Variants in NRG3 observed in about 807,000 individuals in gnomAD.
The protein encoded by NRG3 is neuregulin 3.
NRG3 carries 31 observed loss-of-function variants against 66.9 expected under a neutral mutation model. The observed-to-expected ratio is 0.46, with a 90% CI of 0.35 to 0.63. The LOEUF is 0.63. NRG3 is among the 20% of genes least tolerant of loss of function. The probability of loss-of-function intolerance (pLI) is 0.00; values close to 1 mark genes in which losing one functional copy is unlikely to be tolerated. For synonymous variants in NRG3, 393 were observed against 359.4 expected, an observed-to-expected ratio of 1.09 and a Z score of -1.06; for missense variants, 910 against 878.9, an observed-to-expected ratio of 1.04 and a Z score of -0.45.
At chr10:82,950,662 C>T (rs1849432558) in intron 4 of NRG3, among the ~76,000 whole-genome samples, 1 of 152,156 alleles carries the variant, frequency 6.6e-6, no homozygotes, top group South Asian at 2.1e-4. Context: ...ACCATGGTCA[C>T]TGTCCTATAT....
intron 1 of NRG3, among the ~76,000 whole-genome samples, chr10:82,209,674 G>A (rs531910816): frequency 2.7e-4 from 41 of 152,284 alleles, no homozygotes; most frequent in African/African-American, 9.6e-4. Flanking sequence ...TATTATCTCA[G>A]AAGTGGGTTT....
chr10:82,831,892 A>G (rs2062546597), intron 3 of NRG3, among the ~76,000 whole-genome samples: 1 of 152,130 alleles, frequency 6.6e-6, no homozygotes. Flanking sequence ...CCAAAGCCTT[A>G]TATGCACCCA....
chr10:82,342,061 A>G (rs1298277265), intron 1 of NRG3, among the ~76,000 whole-genome samples: 1 of 151,274 alleles, frequency 6.6e-6, no homozygotes, highest in Non-Finnish European at 1.5e-5. Context: ...GGTATATGGT[A>G]TTTCTGGTGT....
intron 1 of NRG3, among the ~76,000 whole-genome samples, chr10:81,940,572 C>T (rs187777002): frequency 6.6e-6 from 1 of 151,892 alleles, no homozygotes; most frequent in Non-Finnish European, 1.5e-5. Flanking sequence ...TGTGCAGGCT[C>T]CTAGTCTTGA....
At chr10:82,918,860 C>T (rs1043587067) in intron 4 of NRG3, among the ~76,000 whole-genome samples, 5 of 152,132 alleles carry the variant, frequency 3.3e-5, no homozygotes, top group Non-Finnish European at 7.3e-5. Context: ...TTAAAAGGAG[C>T]AACCGCATTT....
At chr10:82,094,831 A>G (rs990533787) in intron 1 of NRG3, among the ~76,000 whole-genome samples, 21 of 152,196 alleles carry the variant, frequency 1.4e-4, no homozygotes, top group African/African-American at 4.8e-4. Flanking sequence ...AAGTGGACCT[A>G]AATAATGTGT....
At chr10:82,752,712 A>G (rs1320790261) in intron 3 of NRG3, among the ~76,000 whole-genome samples, 1 of 152,220 alleles carries the variant, frequency 6.6e-6, no homozygotes, top group Non-Finnish European at 1.5e-5. Flanking sequence ...TGAAGTCCTC[A>G]TGAATGGGAT....
chr10:82,869,780 C>T (rs998486797), intron 4 of NRG3, among the ~76,000 whole-genome samples: 28 of 151,126 alleles, frequency 1.9e-4, no homozygotes, highest in African/African-American at 4.9e-4. Flanking sequence ...GCTAATTTTT[C>T]GTATTTTTAG....
At chr10:82,484,467 A>G (rs545686686) in intron 2 of NRG3, among the ~76,000 whole-genome samples, 1 of 152,360 alleles carries the variant, frequency 6.6e-6, no homozygotes, top group Admixed American at 6.5e-5. Context: ...CAAGTCAACA[A>G]TAACAGTTTT....
intron 2 of NRG3, among the ~76,000 whole-genome samples, chr10:82,737,479 G>T (rs2058211450): frequency 6.6e-6 from 1 of 152,110 alleles, no homozygotes. Context: ...CGGCCTCTTT[G>T]AATTCTTTTG....
chr10:82,486,993 G>C (rs1321384307), intron 2 of NRG3, among the ~76,000 whole-genome samples: 1 of 151,384 alleles, frequency 6.6e-6, no homozygotes, highest in African/African-American at 2.4e-5. Flanking sequence ...AAACCATTGT[G>C]CTTATAGTTA....
intron 3 of NRG3, among the ~76,000 whole-genome samples, chr10:82,821,304 A>G (rs1458097344): frequency 6.6e-6 from 1 of 152,150 alleles, no homozygotes; most frequent in Non-Finnish European, 1.5e-5. Context: ...TCTCAACTGC[A>G]TAACAGAAAT....
At chr10:82,801,871 A>G (rs1207642415) in intron 3 of NRG3, among the ~76,000 whole-genome samples, 1 of 152,176 alleles carries the variant, frequency 6.6e-6, no homozygotes, top group Non-Finnish European at 1.5e-5. Flanking sequence ...ATTCAATGTA[A>G]CACTCAACAT....
intron 1 of NRG3, among the ~76,000 whole-genome samples, chr10:81,988,273 T>G (rs552852990): frequency 2.0e-5 from 3 of 152,136 alleles, no homozygotes; most frequent in Non-Finnish European, 2.9e-5. Flanking sequence ...AGAGATAAGA[T>G]TTGAACTCAG....
intron 1 of NRG3, among the ~76,000 whole-genome samples, chr10:82,210,252 A>G (rs1041748438): frequency 6.6e-6 from 1 of 152,186 alleles, no homozygotes; most frequent in African/African-American, 2.4e-5. Context: ...GCTCTCCTCA[A>G]TGAGTCTATT....
intron 1 of NRG3, among the ~76,000 whole-genome samples, chr10:81,995,973 T>C (rs2060925708): frequency 6.6e-6 from 1 of 152,204 alleles, no homozygotes; most frequent in Non-Finnish European, 1.5e-5. Flanking sequence ...CCTGGGTTAA[T>C]CTGCTCATGA....
intron 1 of NRG3, among the ~76,000 whole-genome samples, chr10:82,231,465 CA>C (rs1274860406): frequency 6.6e-6 from 1 of 150,476 alleles, no homozygotes; most frequent in African/African-American, 2.4e-5. Context: ...ACAAAAAGAA[CA>C]AAGTGAAATA....
At chr10:82,021,800 G>C (rs1405426225) in intron 1 of NRG3, among the ~76,000 whole-genome samples, 2 of 89,436 alleles carry the variant, frequency 2.2e-5, no homozygotes, top group Non-Finnish European at 5.2e-5. Flanking sequence ...GTGTGTGTGT[G>C]TGTGTGTGTG....
intron 6 of NRG3, among the ~76,000 whole-genome samples, chr10:82,968,126 T>C (rs1206778914): frequency 2.0e-5 from 3 of 152,214 alleles, no homozygotes; most frequent in African/African-American, 7.2e-5. Context: ...TTCTTATTGC[T>C]AGGACAGGAA....
Sources: gnomAD v4.1 joint callset for allele counts (sites outside exome capture counted in the v4.1 genomes callset) on GRCh38, gnomAD v4.1.1 for gene constraint, MANE v1.5 for transcripts, NCBI Gene and HGNC (gene_info 2026-07-23, HGNC 2026-07-21) for gene names.